Variants in PRSS3 observed in about 807,000 individuals in gnomAD.
PRSS3 encodes trypsin-3.
A neutral mutation model predicts 20.8 loss-of-function variants in PRSS3; 14 were observed. That is an observed-to-expected ratio of 0.67 (90% CI 0.44 to 1.05). The LOEUF is 1.05. Ranked by LOEUF, PRSS3 falls within the 50% of genes least tolerant of loss-of-function variation. The pLI is 0.00. For missense variants in PRSS3, 237 were observed against 306.4 expected, an observed-to-expected ratio of 0.77 and a Z score of 1.69; for synonymous variants, 91 against 117.6, an observed-to-expected ratio of 0.77 and a Z score of 1.46.
intron 1 of PRSS3, among the ~76,000 whole-genome samples, chr9:33,762,502 C>T (rs978936045): frequency 1.3e-5 from 2 of 152,088 alleles, no homozygotes; most frequent in African/African-American, 2.4e-5. Context: ...TCATAGAACA[C>T]GAAGAGGTAT....
intron 1 of PRSS3, chr9:33,786,657 G>A (rs1824425089): frequency 1.3e-6 from 1 of 766,248 alleles, no homozygotes; most frequent in Non-Finnish European, 2.4e-6. Flanking sequence ...CAGCAACCTG[G>A]ACAGAGCGTG....
intron 1 of PRSS3, among the ~76,000 whole-genome samples, chr9:33,772,594 T>A (rs1391727749): frequency 1.3e-5 from 2 of 152,218 alleles, no homozygotes; most frequent in Non-Finnish European, 2.9e-5. Flanking sequence ...GTTTCGCTCT[T>A]GTCGCTCTTC....
intron 1 of PRSS3, among the ~76,000 whole-genome samples, chr9:33,775,499 G>T (rs1259787627): frequency 1.3e-5 from 2 of 152,178 alleles, no homozygotes; most frequent in African/African-American, 4.8e-5. Context: ...TTAACAGGCG[G>T]ATTCTGGAAA....
intron 1 of PRSS3, among the ~76,000 whole-genome samples, chr9:33,754,313 G>GC (rs762372858): frequency 3.3e-5 from 5 of 151,730 alleles, no homozygotes; most frequent in Non-Finnish European, 4.4e-5. Flanking sequence ...CTTGTGATCT[G>GC]CCCCCCTCGG....
intron 1 of PRSS3, among the ~76,000 whole-genome samples, chr9:33,752,788 A>G (rs1301562361): frequency 6.6e-6 from 1 of 152,196 alleles, no homozygotes; most frequent in Non-Finnish European, 1.5e-5. Flanking sequence ...ACCACAAACT[A>G]CACCGCTGGA....
chr9:33,750,802 G>C lies in PRSS3; in HGVS notation c.-53+75G>C. The C allele has an allele frequency of 3.5e-6, 5 of 1,411,174 alleles. No homozygotes were observed. Among genetic ancestry groups the C allele is most frequent in the South Asian group, 1.5e-5 (1 of 65,828 alleles). 87.4% of individuals were successfully genotyped at this position (1,411,174 alleles called of 1,614,324 possible). A position where few individuals can be genotyped will look rare whatever the true frequency, so the allele number is the denominator to read the frequency against. ...GGGAGAGGGAGCCCCGCCAAGGAGC[G>C]GGGCTGTGATGGAGAGGGGGTTCCG... On this transcript the variant is annotated intron_variant, in intron 1 of 5. Transcript: ENST00000342836. The surrounding 1 kb of genome is among the most constrained non-coding windows in gnomAD (Gnocchi z 4.8).
intron 1 of PRSS3, among the ~76,000 whole-genome samples, chr9:33,759,650 C>G (rs561585795): frequency 5.9e-5 from 9 of 152,258 alleles, no homozygotes; most frequent in African/African-American, 2.2e-4. Flanking sequence ...CTTGAGGTGT[C>G]TAAGAAACAT....
At chr9:33,796,917 G>T (rs1369075716) in intron 2 of PRSS3, 115 bp downstream of exon 2, 3 of 1,167,856 alleles carry the variant, frequency 2.6e-6, no homozygotes, top group Admixed American at 4.7e-5. Flanking sequence ...TGGTGGAAAA[G>T]AAAACTTGTT....
chr9:33,772,021 GC>G (rs1443477243), intron 1 of PRSS3, among the ~76,000 whole-genome samples: 3 of 151,624 alleles, frequency 2.0e-5, no homozygotes, highest in African/African-American at 7.3e-5. Flanking sequence ...ACAGGTGCCC[GC>G]CACCATGCCC....
intron 1 of PRSS3, among the ~76,000 whole-genome samples, chr9:33,774,145 T>G (rs1244794386): frequency 6.6e-6 from 1 of 152,218 alleles, no homozygotes; most frequent in African/African-American, 2.4e-5. Flanking sequence ...TTATCCAAAT[T>G]ATTTAGAAGT....
At chr9:33,752,336 G>A (rs1256216943) in intron 1 of PRSS3, among the ~76,000 whole-genome samples, 1 of 152,204 alleles carries the variant, frequency 6.6e-6, no homozygotes, top group Non-Finnish European at 1.5e-5. Flanking sequence ...TCAAAGTACA[G>A]ATGTTAACTG....
At chr9:33,798,439 C>T (rs933282588) in intron 3 of PRSS3, 47 bp from the exon 4 acceptor site, 12 of 1,610,596 alleles carry the variant, frequency 7.5e-6, no homozygotes, top group Non-Finnish European at 9.3e-6. Flanking sequence ...CCTTCTCTGG[C>T]CTCACCCACA....
In PRSS3 at chr9:33,750,982, T is replaced by G; in HGVS notation, c.-53+255T>G. ...AGCCCACCTGGGGCCCCCTCCGGGCTGCGGCACCGATGCGCACACTACTCC... is the reference window on the plus strand; with the variant it reads ...AGCCCACCTGGGGCCCCCTCCGGGCGGCGGCACCGATGCGCACACTACTCC... On this transcript the variant is annotated intron_variant, in intron 1 of 5. Transcript: ENST00000342836. This position sits in a 1 kb window ranked among gnomAD's most constrained non-coding sequence, Gnocchi z 4.8. The G allele has an allele frequency of 1.2e-6, 1 of 824,040 alleles. No homozygotes were observed. Among genetic ancestry groups the G allele is most frequent in the Non-Finnish European group, 1.7e-6 (1 of 598,132 alleles). The allele number at this position is 824,040 out of a possible 1,614,324, so 51.0% of individuals were successfully genotyped here. A position where few individuals can be genotyped will look rare whatever the true frequency, so the allele number is the denominator to read the frequency against.
At chr9:33,795,829 C>G (rs149303535) in intron 1 of PRSS3, among the ~76,000 whole-genome samples, 1 of 142,400 alleles carries the variant, frequency 7.0e-6, no homozygotes, top group East Asian at 2.0e-4. Flanking sequence ...CATCCATATC[C>G]GAGCTGTGGT....
chr9:33,794,822 T>C (rs1253504955), upstream of PRSS3: 17 of 1,550,720 alleles, frequency 1.1e-5, no homozygotes, highest in Admixed American at 3.9e-5. Context: ...TGGCTTCACA[T>C]TGAAGAAGGG....
intron 1 of PRSS3, among the ~76,000 whole-genome samples, chr9:33,756,633 CT>C (rs1044996323): frequency 2.6e-5 from 4 of 152,184 alleles, no homozygotes; most frequent in African/African-American, 9.6e-5. Context: ...TCTTCCAACA[CT>C]GCTATTAAAT....
chr9:33,774,363 T>C (rs1823829742), intron 1 of PRSS3, among the ~76,000 whole-genome samples: 1 of 152,148 alleles, frequency 6.6e-6, no homozygotes, highest in Non-Finnish European at 1.5e-5. Context: ...TTTAAATAAA[T>C]TTCTACAGAC....
At chr9:33,753,083 G>A (rs975395999) in intron 1 of PRSS3, among the ~76,000 whole-genome samples, 3 of 152,252 alleles carry the variant, frequency 2.0e-5, no homozygotes, top group East Asian at 3.8e-4. Flanking sequence ...TGGCAGAGCC[G>A]GAGCTCAAAC....
At position 33,777,531 on chromosome 9, in the gene PRSS3, CAA is replaced by C. The variant is rs74180503; in HGVS notation, c.-52-17194_-52-17193del. ...GAAACCCCGTCTCTACTAAAAATAC[CAA>C]AAAAAAAAAAAAAAAAAAAATTAGC... On this transcript the variant is annotated intron_variant, in intron 1 of 5. Coordinates refer to the PRSS3 transcript ENST00000342836. Among the ~76,000 whole-genome samples the C allele has an allele frequency of 5.9e-3, 604 of 101,850 alleles. 11 individuals are homozygous for C. Among genetic ancestry groups the C allele is most frequent in the South Asian group, 0.055 (167 of 3,064 alleles). 66.8% of individuals were successfully genotyped at this position (101,850 alleles called of 152,430 possible). A position where few individuals can be genotyped will look rare whatever the true frequency, so the allele number is the denominator to read the frequency against.
Sources: allele counts gnomAD v4.1 joint callset (sites outside exome capture counted in the v4.1 genomes callset), GRCh38; gene constraint gnomAD v4.1.1; non-coding constraint Gnocchi (gnomAD v3.1); transcripts MANE v1.5; gene names NCBI Gene and HGNC (gene_info 2026-07-23, HGNC 2026-07-21).